The following KLRK1 variants were observed in gnomAD, a reference collection of about 807,000 sequenced individuals.
The protein encoded by KLRK1 is killer cell lectin like receptor K1.
KLRK1 carries 40 observed loss-of-function variants against 31.3 expected under a neutral mutation model. The ratio of observed to expected loss-of-function variants is 1.28; its 90% confidence interval spans 0.99 to 1.67. The LOEUF (loss-of-function observed/expected upper bound fraction) is 1.67. Ranked by LOEUF, KLRK1 falls within the 40% of genes most tolerant of loss-of-function variation. The pLI is 0.00. For missense variants in KLRK1, 251 were observed against 260.0 expected, an observed-to-expected ratio of 0.97 and a Z score of 0.24; for synonymous variants, 77 against 77.3, an observed-to-expected ratio of 1.00 and a Z score of 0.02.
chr12:10,375,180 T>TGAAAATAACACATGAGAGTA (rs1862941255), intron 7 of KLRK1, among the ~76,000 whole-genome samples: 1 of 152,090 alleles, frequency 6.6e-6, no homozygotes, highest in Admixed American at 6.5e-5. Context: ...AGGGGAAAAT[T>TGAAAATAACACATGAGAGTA]GAAAATAACA....
At chr12:10,380,328 G>A (rs1489992708) in intron 3 of KLRK1, among the ~76,000 whole-genome samples, 2 of 152,114 alleles carry the variant, frequency 1.3e-5, no homozygotes, top group African/African-American at 4.8e-5. Flanking sequence ...GCCTCCCAAA[G>A]TGCTGGGATT....
At position 10,380,105 on chromosome 12, in the gene KLRK1, G is replaced by A. The variant is rs528576079; in HGVS notation, c.149-313C>T. On this transcript the variant is annotated intron_variant, in intron 3 of 7. Transcript: ENST00000240618. The stretch of plus-strand genomic sequence containing the variant: ...TTTTGAGACGGAGTCTCGCTCTGTC[G>A]CCCAGGCTGGAGTGCAGTGGCGCGA... Among the ~76,000 whole-genome samples, 76 of 113,798 alleles carry A rather than the reference G, an allele frequency of 6.7e-4. No homozygotes were observed. In the South Asian group the frequency reaches 0.015, roughly 22 times the overall value. 74.7% of individuals were successfully genotyped at this position (113,798 alleles called of 152,430 possible).
chr12:10,378,556 G>A lies in KLRK1; in HGVS notation c.427C>T (p.Gln143Ter). The change falls in exon 6 of 8, where the codon CAG (glutamine) becomes TAG (stop). Residue 143 changes from glutamine (Q) to a stop codon, truncating the protein, a stop_gained and splice_region_variant. Coordinates refer to ENST00000240618, the MANE Select transcript of KLRK1 (RefSeq NM_007360.4). LOFTEE classifies it high-confidence loss of function. The part of the protein sequence containing the change: ...SLLKVYSKED[Q>*]DLLKLVKSYH... ...GGAAATTAAAATAAATACTCAACCT[G>A]GTCCTCTTTGCTGTATACTTTCAGA... The A allele has an allele frequency of 6.2e-7, 1 of 1,609,986 alleles. No individual in the cohort carries two copies. The highest frequency in any genetic ancestry group is 8.5e-7 in the Non-Finnish European group (1 of 1,179,170).
intron 7 of KLRK1, among the ~76,000 whole-genome samples, chr12:10,377,216 A>T (rs1862983508): frequency 6.6e-6 from 1 of 152,208 alleles, no homozygotes; most frequent in Non-Finnish European, 1.5e-5. Flanking sequence ...TAGAAAGTAA[A>T]ATTTGTAAAA....
At chr12:10,378,359 A>ATAAT in intron 6 of KLRK1, 124 bp from the exon 7 acceptor site, 1 of 1,303,436 alleles carries the variant, frequency 7.7e-7, no homozygotes, top group South Asian at 1.4e-5. Flanking sequence ...ACTAACTGGC[A>ATAAT]TAATTCTCAT....
chr12:10,379,944 C>T lies in KLRK1; in HGVS notation c.149-152G>A, dbSNP rs1323052263. On this transcript the variant is annotated intron_variant, in intron 3 of 7. Coordinates refer to ENST00000240618, the MANE Select transcript of KLRK1 (RefSeq NM_007360.4). The stretch of plus-strand genomic sequence containing the variant: ...TTTTTTCCAGAACAGAACATAAATA[C>T]CTCGCAAATGATCAAAAACTAGAGT... 14 of 534,048 alleles carry T rather than the reference C, an allele frequency of 2.6e-5. No individual in the cohort carries two copies. The South Asian group carries it at 5.6e-4, about 21-fold the overall frequency. The allele number at this position is 534,048 out of a possible 1,614,324, so 33.1% of individuals were successfully genotyped here.
chr12:10,384,975 G>T (rs558301703), intron 3 of KLRK1, among the ~76,000 whole-genome samples: 26 of 151,978 alleles, frequency 1.7e-4, no homozygotes, highest in African/African-American at 5.8e-4. Context: ...AATAGCCACA[G>T]ATATATTTTT....
chr12:10,383,242 A>G (rs1863109145), intron 3 of KLRK1, among the ~76,000 whole-genome samples: 1 of 152,082 alleles, frequency 6.6e-6, no homozygotes, highest in African/African-American at 2.4e-5. Context: ...ACCAAACAAT[A>G]TATTGCCTAC....
At chr12:10,375,313 CA>C (rs1420130156) in intron 7 of KLRK1, among the ~76,000 whole-genome samples, 1 of 152,062 alleles carries the variant, frequency 6.6e-6, no homozygotes, top group African/African-American at 2.4e-5. Context: ...GCTCCAGAGC[CA>C]GAAATATATA....
chr12:10,374,937 T>C (rs11833172), intron 7 of KLRK1, among the ~76,000 whole-genome samples: 13,163 of 152,268 alleles, frequency 0.086, 1,875 homozygotes, highest in African/African-American at 0.3. Context: ...AAAGTTAGTA[T>C]GCTAGTTGTT....
chr12:10,382,982 G>A (rs1041769630), intron 3 of KLRK1, among the ~76,000 whole-genome samples: 3 of 151,878 alleles, frequency 2.0e-5, no homozygotes, highest in African/African-American at 4.8e-5. Flanking sequence ...AAGTCTCACA[G>A]TAACCACAAA....
Position 10,386,943 on chromosome 12 carries a change from C to G in KLRK1, c.108G>C (p.Lys36Asn). The stretch of plus-strand genomic sequence containing the variant: ...TGCTTTTGACTACTGGACATCTTTG[C>G]TTTTGCCATCGTGTTGAAAAATCAC... ...KKSDFSTRWQ[K>N]QRCPVVKSKC... The change falls in exon 3 of 8, where the codon AAG (lysine) becomes AAC (asparagine). Residue 36 changes from lysine to asparagine, a missense_variant. By Grantham distance (94) the Lys-to-Asn change is moderately conservative. Coordinates refer to ENST00000240618, the MANE Select transcript of KLRK1 (RefSeq NM_007360.4). 6.2e-7 allele frequency: 1 copy of G among 1,611,782 alleles called. No individual in the cohort carries two copies. The highest frequency in any genetic ancestry group is 8.5e-7 in the Non-Finnish European group (1 of 1,178,910).
At chr12:10,388,653 A>G in intron 2 of KLRK1, 118 bp downstream of exon 2, 1 of 1,160,808 alleles carries the variant, frequency 8.6e-7, no homozygotes, top group Non-Finnish European at 1.2e-6. Flanking sequence ...CAACATAAAT[A>G]GAACATGAAA....
rs758690645 is a variant in KLRK1 at position 10,386,955 on chromosome 12, T to C, written c.96A>G (p.Thr32=). 2.0e-5 allele frequency: 33 copies of C among 1,611,814 alleles called. No individual in the cohort carries two copies. Among genetic ancestry groups the C allele is most frequent in the Non-Finnish European group, 2.5e-5 (30 of 1,179,016 alleles). ...NLDLKKSDFS[T]RWQKQRCPVV... is the part of the protein sequence containing the mutation. ...CTGGACATCTTTGCTTTTGCCATCG[T>C]GTTGAAAAATCACTCTTCTTCAGAT... is the stretch of plus-strand genomic sequence containing the variant. The change falls in exon 3 of 8, where the codon ACA becomes ACG. Residue 32 remains threonine (T), a synonymous_variant. Transcript: ENST00000240618.
At chr12:10,374,395 C>CTTTTTTTTTT (rs1412379809) in intron 7 of KLRK1, among the ~76,000 whole-genome samples, 2 of 93,926 alleles carry the variant, frequency 2.1e-5, no homozygotes, top group African/African-American at 9.0e-5. Flanking sequence ...TTTCCTCTCT[C>CTTTTTTTTTT]TCTTTTTTTT....
Position 10,379,842 on chromosome 12 carries a change from G to A in KLRK1, c.149-50C>T, listed in dbSNP as rs373759060. 7.8e-5 allele frequency: 117 copies of A among 1,501,502 alleles called. 1 individual carries two copies. Among genetic ancestry groups the A allele is most frequent in the Admixed American group, 1.0e-4 (5 of 48,678 alleles). 93.0% of individuals were successfully genotyped at this position (1,501,502 alleles called of 1,614,324 possible). ...CAGAGAAAGAAGCATAAAAGGTTTGGGTATCTTTGTATTTAATATAAATAT... is the reference window on the plus strand; with the variant it reads ...CAGAGAAAGAAGCATAAAAGGTTTGAGTATCTTTGTATTTAATATAAATAT... On this transcript the variant is annotated intron_variant, in intron 3 of 7. Transcript: ENST00000240618.
chr12:10,383,285 AGACT>A (rs1266673076), intron 3 of KLRK1, among the ~76,000 whole-genome samples: 1 of 152,060 alleles, frequency 6.6e-6, no homozygotes, highest in African/African-American at 2.4e-5. Flanking sequence ...AAACACACAT[AGACT>A]GACTGTATAG....
chr12:10,379,524 T>C, intron 4 of KLRK1, 42 bp from the exon 5 acceptor site: 4 of 1,357,734 alleles, frequency 2.9e-6, no homozygotes, highest in Non-Finnish European at 4.0e-6. Flanking sequence ...GTATTGTTAG[T>C]AACTTATAGT....
chr12:10,375,127 T>A (rs1862940226), intron 7 of KLRK1, among the ~76,000 whole-genome samples: 1 of 152,046 alleles, frequency 6.6e-6, no homozygotes, highest in African/African-American at 2.4e-5. Context: ...TACAAATAGA[T>A]AATAAGGAAG....
Sources: gnomAD v4.1 joint callset for allele counts (sites outside exome capture counted in the v4.1 genomes callset) on GRCh38, gnomAD v4.1.1 for gene constraint, MANE v1.5 for transcripts, NCBI Gene and HGNC (gene_info 2026-07-23, HGNC 2026-07-21) for gene names.